Variants in UBAP2L observed in about 807,000 individuals in gnomAD.
UBAP2L encodes ubiquitin-associated protein 2-like.
UBAP2L carries 12 observed loss-of-function variants against 130.6 expected under a neutral mutation model. The observed-to-expected ratio is 0.09, with a 90% CI of 0.06 to 0.15. UBAP2L has a LOEUF of 0.15. Among genes scored for constraint, UBAP2L ranks in the 10% least tolerant of loss-of-function variants. UBAP2L has a pLI of 1.00. For synonymous variants in UBAP2L, 503 were observed against 524.7 expected (o/e 0.96, Z 0.57); for missense variants, 965 against 1,332.5 (o/e 0.72, Z 4.29).
In UBAP2L at chr1:154,270,619, G is replaced by A. The variant is rs530108907; in HGVS notation, c.*324G>A. On this transcript the variant is annotated 3_prime_UTR_variant, in exon 27 of 27. Coordinates refer to ENST00000428931, the MANE Select transcript of UBAP2L (RefSeq NM_014847.4). ...CACCCTGGTGGTGTACGGATGAGGC[G>A]GGGAGGTGGGACCCCCAAACATATA... The A allele has an allele frequency of 3.4e-5, 48 of 1,412,542 alleles. No individual in the cohort carries two copies. In the South Asian group the frequency reaches 5.0e-4, roughly 15 times the overall value. The allele number at this position is 1,412,542 out of a possible 1,614,324, so 87.5% of individuals were successfully genotyped here.
At chr1:154,245,072 T>A (rs1430111595) in intron 10 of UBAP2L, among the ~76,000 whole-genome samples, 1 of 152,036 alleles carries the variant, frequency 6.6e-6, no homozygotes, top group Non-Finnish European at 1.5e-5. Flanking sequence ...GCTGGTATAG[T>A]AGGCACCCGC....
Position 154,252,638 on chromosome 1 carries a change from C to T in UBAP2L, c.1664+985C>T, listed in dbSNP as rs779905792. Among the ~76,000 whole-genome samples the T allele has an allele frequency of 8.6e-5, 13 of 151,124 alleles. 1 individual carries two copies. Among genetic ancestry groups the T allele is most frequent in the Non-Finnish European group, 1.3e-4 (9 of 67,762 alleles). Reference sequence around the variant, plus strand: ...GCAATGGTGCAATCTCCGCTCACTGCAACCTCTGCCTCCCAGGTTTAAGCA... The same window carrying T: ...GCAATGGTGCAATCTCCGCTCACTGTAACCTCTGCCTCCCAGGTTTAAGCA... On this transcript the variant is annotated intron_variant, in intron 14 of 26. Transcript: ENST00000428931.
At chr1:154,233,917 G>C (rs374277053) in intron 4 of UBAP2L, among the ~76,000 whole-genome samples, 1 of 146,272 alleles carries the variant, frequency 6.8e-6, no homozygotes, top group East Asian at 1.9e-4. Flanking sequence ...GAAAGATAGG[G>C]ACCAATAACT....
At chr1:154,220,625 T>A, upstream of UBAP2L, 1 of 593,550 alleles carries the variant, frequency 1.7e-6, no homozygotes, top group Non-Finnish European at 3.0e-6. Flanking sequence ...GACACGTGAC[T>A]CAGGCAGGCA....
At chr1:154,252,972 C>T (rs992529273) in intron 14 of UBAP2L, among the ~76,000 whole-genome samples, 1 of 152,140 alleles carries the variant, frequency 6.6e-6, no homozygotes, top group Non-Finnish European at 1.5e-5. Context: ...ATAGAAGGGG[C>T]CAAGAGTAAT....
At chr1:154,271,099 A>C, downstream of UBAP2L, 1 of 715,726 alleles carries the variant, frequency 1.4e-6, no homozygotes, top group South Asian at 2.1e-5. Context: ...GAACCACCAC[A>C]AATCTTCATT....
At chr1:154,241,439 A>G (rs1253281772) in intron 8 of UBAP2L, 74 bp from the exon 9 acceptor site, 18 of 1,488,576 alleles carry the variant, frequency 1.2e-5, no homozygotes, top group Non-Finnish European at 1.5e-5. Flanking sequence ...AAATTAATAC[A>G]TTGATGTTTT....
chr1:154,257,136 C>T lies in UBAP2L; in HGVS notation c.2231C>T (p.Ser744Phe), dbSNP rs773139385. 6.2e-7 allele frequency: 1 copy of T among 1,614,222 alleles called. No homozygotes were observed. Among genetic ancestry groups the T allele is most frequent in the Non-Finnish European group, 8.5e-7 (1 of 1,180,042 alleles). The change falls in exon 19 of 27, where the codon TCT becomes TTT. Residue 744 changes from serine (S) to phenylalanine (F), a missense_variant. Physicochemically the swap from Ser to Phe is radical, Grantham distance 155 (BLOSUM62 -2). This residue lies in a region of UBAP2L where 393 missense variants were observed against 408.1 expected (regional missense o/e 0.96). Transcript: ENST00000428931. ...STFSTTSSTV[S>F]APPPVVSVSS... ...TTTTCCACCACATCCAGCACAGTCT[C>T]TGCACCTCCCCCAGTGGTCAGTGTC...
chr1:154,263,167 G>C, intron 24 of UBAP2L: 2 of 1,551,762 alleles, frequency 1.3e-6, no homozygotes, highest in Non-Finnish European at 1.7e-6. Flanking sequence ...GCCCAAGGCT[G>C]GGGGCTGTGT....
rs1558147161 is a variant in UBAP2L at position 154,237,152 on chromosome 1, T to C, written c.703+16T>C. ...GATGGGACGAGTGAGTGACCATTTA[T>C]CATTCATTTCTTGTCTCTGGGAATC... On this transcript the variant is annotated intron_variant, in intron 8 of 26. Transcript: ENST00000428931. 1 of 1,596,920 alleles carries C rather than the reference T, an allele frequency of 6.3e-7. No individual in the cohort carries two copies. The highest frequency in any genetic ancestry group is 1.1e-5 in the South Asian group (1 of 90,438).
chr1:154,228,127 G>T (rs374130633), intron 3 of UBAP2L, among the ~76,000 whole-genome samples: 107 of 151,828 alleles, frequency 7.0e-4, no homozygotes, highest in Middle Eastern at 3.5e-3. Context: ...GCGGGGGTTG[G>T]GGGGGTGGTT....
chr1:154,254,721 T>C, intron 15 of UBAP2L, 115 bp from the exon 16 acceptor site: 3 of 1,139,190 alleles, frequency 2.6e-6, no homozygotes, highest in Admixed American at 4.8e-5. Context: ...TTGGTTAATT[T>C]ACAGAGTTTC....
chr1:154,243,635 A>G (rs1013021868), intron 10 of UBAP2L, among the ~76,000 whole-genome samples: 1 of 151,832 alleles, frequency 6.6e-6, no homozygotes, highest in Non-Finnish European at 1.5e-5. Flanking sequence ...TAATTTTTGT[A>G]TTTTTAGTAG....
At chr1:154,252,326 G>T (rs1294943535) in intron 14 of UBAP2L, among the ~76,000 whole-genome samples, 1 of 147,854 alleles carries the variant, frequency 6.8e-6, no homozygotes, top group Non-Finnish European at 1.5e-5. Context: ...CTGTTGCCAG[G>T]CTGGAGTGCA....
intron 2 of UBAP2L, among the ~76,000 whole-genome samples, chr1:154,225,545 T>G (rs1034247991): frequency 6.6e-6 from 1 of 152,122 alleles, no homozygotes; most frequent in Non-Finnish European, 1.5e-5. Flanking sequence ...CACCATTCAT[T>G]TGTAGCCTCA....
rs749590371 is a variant in UBAP2L at position 154,263,140 on chromosome 1, G to A, written c.2902+1443G>A. The A allele has an allele frequency of 4.5e-6, 7 of 1,551,902 alleles. No individual in the cohort carries two copies. In the South Asian group the frequency reaches 6.0e-5, roughly 13 times the overall value. ...CACCCCCTTACAAGCATTTCTGGAC[G>A]GCTGAGAGCTAATTTGGCCCAAGGC... On this transcript the variant is annotated intron_variant, in intron 24 of 26. Coordinates refer to ENST00000428931, the MANE Select transcript of UBAP2L (RefSeq NM_014847.4).
In UBAP2L at chr1:154,254,022, C is replaced by G; in HGVS notation, c.1787C>G (p.Ser596Cys). ...CAGGGCCCTCTTTATGAACAGAGAT[C>G]CACACAGACTCGGCGGTACCCCAGC... The part of the protein sequence containing the change: ...NAQGPLYEQR[S>C]TQTRRYPSSI... The change falls in exon 15 of 27, where the codon TCC (serine) becomes TGC (cysteine). Residue 596 changes from serine (S) to cysteine (C), a missense_variant. Around this residue, in one of 9 missense-constraint regions of UBAP2L, gnomAD observed 393 missense variants for 408.1 expected, o/e 0.96. Transcript: ENST00000428931. 1 of 1,612,698 alleles carries G rather than the reference C, an allele frequency of 6.2e-7. No individual in the cohort carries two copies. The highest frequency in any genetic ancestry group is 1.3e-5 in the African/African-American group (1 of 74,930).
At chr1:154,236,662 G>A (rs1671789457) in intron 7 of UBAP2L, 51 bp downstream of exon 7, 2 of 1,599,228 alleles carry the variant, frequency 1.3e-6, no homozygotes, top group East Asian at 2.2e-5. Context: ...AAAAATTACT[G>A]TAGGCAGCCT....
At chr1:154,224,720 A>G (rs187561466) in intron 1 of UBAP2L, among the ~76,000 whole-genome samples, 27 of 152,340 alleles carry the variant, frequency 1.8e-4, no homozygotes, top group Admixed American at 1.6e-3. Context: ...TTTTGTTTCC[A>G]GACTTTACTG....
Sources: allele counts gnomAD v4.1 joint callset (sites outside exome capture counted in the v4.1 genomes callset), GRCh38; gene constraint gnomAD v4.1.1; regional missense constraint gnomAD v4.1.1; transcripts MANE v1.5; gene names NCBI Gene and HGNC (gene_info 2026-07-23, HGNC 2026-07-21).